RARB: variants seen among roughly 807,000 people sequenced by gnomAD.
RARB encodes the protein retinoic acid receptor beta.
RARB carries 17 observed loss-of-function variants against 51.9 expected under a neutral mutation model. The observed-to-expected ratio is 0.33, with a 90% CI of 0.22 to 0.49. The LOEUF (loss-of-function observed/expected upper bound fraction) is 0.49. RARB is among the 20% of genes least tolerant of loss of function. The pLI is 0.99. For synonymous variants in RARB, 215 were observed against 195.4 expected, an observed-to-expected ratio of 1.10 and a Z score of -0.84; for missense variants, 369 against 550.8, an observed-to-expected ratio of 0.67 and a Z score of 3.30.
chr3:24,848,085 G>A (rs1259480365), intron 1 of RARB, among the ~76,000 whole-genome samples: 1 of 152,104 alleles, frequency 6.6e-6, no homozygotes, highest in Non-Finnish European at 1.5e-5. Context: ...GTTTTGAGAC[G>A]GTCTTGTTCT....
intron 3 of RARB, among the ~76,000 whole-genome samples, chr3:25,517,502 A>G (rs1171362868): frequency 6.6e-6 from 1 of 152,210 alleles, no homozygotes; most frequent in Non-Finnish European, 1.5e-5. Context: ...AACAAATGTT[A>G]GGAAGATGTA....
At chr3:25,105,051 TAAA>T (rs931830095) in intron 3 of RARB, among the ~76,000 whole-genome samples, 1 of 152,208 alleles carries the variant, frequency 6.6e-6, no homozygotes, top group African/African-American at 2.4e-5. Context: ...AATAGTTTAA[TAAA>T]AAGCATAAAA....
intron 2 of RARB, among the ~76,000 whole-genome samples, chr3:25,022,543 T>A (rs1036742902): frequency 6.6e-6 from 1 of 152,240 alleles, no homozygotes; most frequent in African/African-American, 2.4e-5. Context: ...TGTATCATTT[T>A]GCATTTTTAC....
chr3:24,873,664 C>CTT (rs572135575), intron 2 of RARB, among the ~76,000 whole-genome samples: 2 of 145,978 alleles, frequency 1.4e-5, no homozygotes, highest in African/African-American at 2.5e-5. Context: ...TCAGTCTTCC[C>CTT]TTTTTTTTTT....
chr3:24,974,797 A>T (rs1184604137), intron 2 of RARB, among the ~76,000 whole-genome samples: 1 of 152,190 alleles, frequency 6.6e-6, no homozygotes, highest in African/African-American at 2.4e-5. Context: ...AACACTCTCA[A>T]CCGTTAACAT....
chr3:25,223,368 GCTT>G (rs1701988810), intron 5 of RARB, among the ~76,000 whole-genome samples: 1 of 152,162 alleles, frequency 6.6e-6, no homozygotes, highest in Non-Finnish European at 1.5e-5. Flanking sequence ...TGAGGAAAAG[GCTT>G]AATGAATATT....
chr3:25,106,562 C>A (rs1464003498), intron 3 of RARB, among the ~76,000 whole-genome samples: 1 of 150,516 alleles, frequency 6.6e-6, no homozygotes, highest in Non-Finnish European at 1.5e-5. Flanking sequence ...CTCATCCTCC[C>A]AAAGTGCTGG....
chr3:25,484,265 TTTC>T (rs1476434318), intron 2 of RARB, among the ~76,000 whole-genome samples: 1 of 152,212 alleles, frequency 6.6e-6, no homozygotes, highest in African/African-American at 2.4e-5. Flanking sequence ...CCTTGTAACA[TTTC>T]TTCAAGGCTG....
chr3:25,444,099 G>A (rs564350382), intron 1 of RARB, among the ~76,000 whole-genome samples: 3 of 152,144 alleles, frequency 2.0e-5, no homozygotes, highest in Admixed American at 1.3e-4. Context: ...TGCTTATTAT[G>A]TGTCAGGTGC....
chr3:25,334,346 C>A (rs1704997043), intron 5 of RARB, among the ~76,000 whole-genome samples: 1 of 152,028 alleles, frequency 6.6e-6, no homozygotes, highest in East Asian at 1.9e-4. Flanking sequence ...TACTATGCAG[C>A]CATAAAAAAG....
intron 5 of RARB, among the ~76,000 whole-genome samples, chr3:25,382,584 G>A (rs145578536): frequency 0.035 from 5,292 of 152,292 alleles, 120 homozygotes; most frequent in Middle Eastern, 0.065. Flanking sequence ...GGCTGGGTGC[G>A]GTGGCTCCTG....
rs1458497137 is a variant in RARB, at chr3:25,140,225, C to T, written c.-280+8017C>T. Among the ~76,000 whole-genome samples the T allele has an allele frequency of 3.3e-5, 5 of 152,084 alleles. No individual in the cohort carries two copies. In the East Asian group the frequency reaches 9.6e-4, roughly 29 times the overall value. On this transcript the variant is annotated intron_variant, in intron 4 of 11. Coordinates refer to the RARB transcript ENST00000383772. ...GTACAGCTGCCATAGATAGTGATTT[C>T]TCTGATGGATTTTGGCAGAGTTAAT... is the stretch of plus-strand genomic sequence containing the variant.
intron 4 of RARB, among the ~76,000 whole-genome samples, chr3:25,156,123 T>C (rs1700370125): frequency 6.6e-6 from 1 of 152,184 alleles, no homozygotes; most frequent in Non-Finnish European, 1.5e-5. Flanking sequence ...CAATAGTAGT[T>C]AATAGATAAT....
intron 5 of RARB, among the ~76,000 whole-genome samples, chr3:25,202,711 G>A (rs913845140): frequency 6.6e-6 from 1 of 152,194 alleles, no homozygotes; most frequent in African/African-American, 2.4e-5. Flanking sequence ...TCATTCAGGA[G>A]CAGGTTGTTC....
chr3:25,305,493 C>T (rs1704133317), intron 5 of RARB, among the ~76,000 whole-genome samples: 1 of 152,194 alleles, frequency 6.6e-6, no homozygotes, highest in African/African-American at 2.4e-5. Context: ...TTGGCTGTTT[C>T]TCAGAGCTGT....
intron 1 of RARB, among the ~76,000 whole-genome samples, chr3:25,443,544 C>G (rs141294417): frequency 0.012 from 1,851 of 151,288 alleles, 37 homozygotes; most frequent in African/African-American, 0.043. Flanking sequence ...ACCCGGGAGG[C>G]GGAGGTTGCA....
chr3:24,873,910 A>C (rs1000333793), intron 2 of RARB, among the ~76,000 whole-genome samples: 1 of 152,060 alleles, frequency 6.6e-6, no homozygotes, highest in Non-Finnish European at 1.5e-5. Context: ...TAGGTTTTGC[A>C]TCCATGGATT....
intron 5 of RARB, among the ~76,000 whole-genome samples, chr3:25,309,486 C>A (rs962715633): frequency 1.7e-5 from 1 of 58,048 alleles, no homozygotes; most frequent in African/African-American, 6.6e-5. Context: ...CTCATAGTTG[C>A]TTTTTTTTTT....
intron 5 of RARB, among the ~76,000 whole-genome samples, chr3:25,369,674 G>T (rs1270798833): frequency 6.6e-6 from 1 of 152,152 alleles, no homozygotes; most frequent in Non-Finnish European, 1.5e-5. Context: ...TGTAATCCCA[G>T]CACTTTGAGA....
Sources: allele counts gnomAD v4.1 joint callset (sites outside exome capture counted in the v4.1 genomes callset), GRCh38; gene constraint gnomAD v4.1.1; transcripts MANE v1.5; gene names NCBI Gene and HGNC (gene_info 2026-07-23, HGNC 2026-07-21).